Variants in WSCD2 observed in about 807,000 individuals in gnomAD.
The protein encoded by WSCD2 is sialate:O-sulfotransferase 2.
A neutral mutation model predicts 55.7 loss-of-function variants in WSCD2; 28 were observed. The ratio of observed to expected loss-of-function variants is 0.50; its 90% CI spans 0.37 to 0.69. The LOEUF is 0.69. Ranked by LOEUF, WSCD2 falls within the 30% of genes least tolerant of loss-of-function variation. WSCD2 has a pLI of 0.00. For missense variants in WSCD2, 616 were observed against 762.1 expected, an observed-to-expected ratio of 0.81 and a Z score of 2.26; for synonymous variants, 301 against 301.9, an observed-to-expected ratio of 1.00 and a Z score of 0.03.
chr12:108,172,660 G>A (rs1383476192), intron 1 of WSCD2, among the ~76,000 whole-genome samples: 2 of 152,136 alleles, frequency 1.3e-5, no homozygotes, highest in African/African-American at 2.4e-5. Flanking sequence ...GCAAAAGATC[G>A]CCAGCAACTG....
Position 108,210,228 on chromosome 12 carries a change from A to G in WSCD2, c.605A>G (p.Glu202Gly). ...EAECDMECKG[E>G]RGSVCGGANR... Reference sequence around the variant, plus strand: ...GAGTGCGACATGGAGTGCAAGGGCGAGCGAGGCAGCGTGTGCGGCGGCGCC... The same window carrying G: ...GAGTGCGACATGGAGTGCAAGGGCGGGCGAGGCAGCGTGTGCGGCGGCGCC... Residue 202 changes from glutamate (E) to glycine (G), a missense_variant, in exon 4 of 9, where the codon GAG becomes GGG. Transcript: ENST00000547525. This position sits in a 1 kb window ranked among gnomAD's most constrained non-coding sequence, Gnocchi z 4.3. The G allele has an allele frequency of 1.2e-6, 2 of 1,613,190 alleles. No individual in the cohort carries two copies. The highest frequency in any genetic ancestry group is 1.7e-6 in the Non-Finnish European group (2 of 1,179,618).
chr12:108,194,662 A>G (rs1427977530), intron 1 of WSCD2, among the ~76,000 whole-genome samples: 2 of 152,212 alleles, frequency 1.3e-5, no homozygotes, highest in African/African-American at 4.8e-5. Context: ...GCTGCTAAAT[A>G]ACCCTACTTT....
intron 1 of WSCD2, among the ~76,000 whole-genome samples, chr12:108,160,381 T>C (rs1011949714): frequency 6.6e-6 from 1 of 152,170 alleles, no homozygotes; most frequent in African/African-American, 2.4e-5. Context: ...ATAAGGAAAA[T>C]TGGCTCATAG....
In WSCD2 at chr12:108,195,518, C is replaced by T. The variant is rs1033666294; in HGVS notation, c.-315C>T. 6.0e-6 allele frequency: 2 copies of T among 335,894 alleles called. No individual in the cohort carries two copies. Among genetic ancestry groups the T allele is most frequent in the Non-Finnish European group, 1.1e-5 (2 of 185,142 alleles). The allele number at this position is 335,894 out of a possible 1,614,324, so 20.8% of individuals were successfully genotyped here. A position where few individuals can be genotyped will look rare whatever the true frequency, so the allele number is the denominator to read the frequency against. On this transcript the variant is annotated 5_prime_UTR_variant, in exon 2 of 9. Transcript: ENST00000547525. ...CTATTCTCACAGTTCTTTAGGAACA[C>T]TCTGAAGTGAAGAACAATATGTAGG...
intron 1 of WSCD2, among the ~76,000 whole-genome samples, chr12:108,137,868 C>T (rs1876380676): frequency 6.6e-6 from 1 of 152,222 alleles, no homozygotes; most frequent in African/African-American, 2.4e-5. Context: ...TAAGTGACAT[C>T]TAACTGTACC....
At chr12:108,154,723 G>A (rs1424151322) in intron 1 of WSCD2, among the ~76,000 whole-genome samples, 1 of 152,014 alleles carries the variant, frequency 6.6e-6, no homozygotes, top group Non-Finnish European at 1.5e-5. Flanking sequence ...TTCTTTTTCG[G>A]ATTAATAATG....
chr12:108,187,455 G>A (rs1001514998), intron 1 of WSCD2, among the ~76,000 whole-genome samples: 13 of 152,224 alleles, frequency 8.5e-5, no homozygotes, highest in African/African-American at 2.4e-4. Flanking sequence ...TTTAGCATAC[G>A]GTTAAGAGTG....
intron 1 of WSCD2, among the ~76,000 whole-genome samples, chr12:108,152,484 C>T (rs1054776980): frequency 6.6e-6 from 1 of 152,146 alleles, no homozygotes. Flanking sequence ...CGGGCAGGTG[C>T]TGATGCTGTG....
chr12:108,210,163 C>T lies in WSCD2; in HGVS notation c.540C>T (p.Tyr180=), dbSNP rs1885953622. ...GGCTGGAGTTCGGCGCCGAGTGCTA[C>T]TGCGGCCACAAGATCCAGGCGACGA... ...YGGLEFGAEC[Y]CGHKIQATNV... is the part of the protein sequence containing the mutation. The change falls in exon 4 of 9, where the codon TAC becomes TAT. Residue 180 remains tyrosine, a synonymous_variant. Transcript: ENST00000547525. The surrounding 1 kb of genome is among the most constrained non-coding windows in gnomAD (Gnocchi z 4.3). 6.2e-7 allele frequency: 1 copy of T among 1,614,152 alleles called. No individual in the cohort carries two copies. Among genetic ancestry groups the T allele is most frequent in the East Asian group, 2.2e-5 (1 of 44,882 alleles).
intron 1 of WSCD2, among the ~76,000 whole-genome samples, chr12:108,156,196 G>T (rs944503329): frequency 2.6e-5 from 4 of 152,190 alleles, no homozygotes; most frequent in Admixed American, 2.0e-4. Flanking sequence ...TTCACGAAGA[G>T]AAAGGGGAGG....
chr12:108,240,507 C>T lies in WSCD2; in HGVS notation c.1308C>T (p.His436=). 1 of 1,588,520 alleles carries T rather than the reference C, an allele frequency of 6.3e-7. No homozygotes were observed. The highest frequency in any genetic ancestry group is 8.6e-7 in the Non-Finnish European group (1 of 1,165,400). ...AGTTCAACCGCAAGTACGGCGGCCA[C>T]ATAGGCTTTGCTGCGCATGCCCACT... ...MAEFNRKYGG[H]IGFAAHAHWK... The change falls in exon 8 of 9, where the codon CAC becomes CAT. Residue 436 remains histidine, a synonymous_variant. Coordinates refer to ENST00000547525, the MANE Select transcript of WSCD2 (RefSeq NM_014653.4).
chr12:108,244,881 G>T (rs563314170), intron 8 of WSCD2, among the ~76,000 whole-genome samples: 1 of 151,888 alleles, frequency 6.6e-6, no homozygotes, highest in South Asian at 2.1e-4. Flanking sequence ...ATATATTTAG[G>T]ATGTACAAGT....
intron 4 of WSCD2, among the ~76,000 whole-genome samples, chr12:108,215,609 A>C (rs542864010): frequency 6.6e-6 from 1 of 152,188 alleles, no homozygotes; most frequent in Admixed American, 6.5e-5. Context: ...TGTGTAATTC[A>C]ATCTCTCTCT....
At chr12:108,192,608 T>C (rs1883324782) in intron 1 of WSCD2, among the ~76,000 whole-genome samples, 1 of 152,230 alleles carries the variant, frequency 6.6e-6, no homozygotes, top group African/African-American at 2.4e-5. Context: ...CTTCCCATGG[T>C]CTGGCTCCTG....
intron 3 of WSCD2, among the ~76,000 whole-genome samples, chr12:108,209,747 A>G (rs1353867280): frequency 6.6e-6 from 1 of 151,936 alleles, no homozygotes; most frequent in Non-Finnish European, 1.5e-5. Flanking sequence ...CCAGACCCAG[A>G]TCCCCCTGCC....
chr12:108,133,097 G>A (rs1875788693), intron 1 of WSCD2, among the ~76,000 whole-genome samples: 1 of 152,178 alleles, frequency 6.6e-6, no homozygotes, highest in South Asian at 2.1e-4. Context: ...GTGTATTGCA[G>A]TGTGAACTTT....
Position 108,248,630 on chromosome 12 carries a change from C to T in WSCD2, c.*287C>T. On this transcript the variant is annotated 3_prime_UTR_variant, in exon 9 of 9. Transcript: ENST00000547525. This position sits in a 1 kb window ranked among gnomAD's most constrained non-coding sequence, Gnocchi z 4.3. The stretch of plus-strand genomic sequence containing the variant: ...TTTTCTGTCTCCTGGGTCCCTGCCC[C>T]CACCACTCTGGGTTCCATTTGTGGG... The T allele has an allele frequency of 8.7e-7, 1 of 1,150,652 alleles. No individual in the cohort carries two copies. Among genetic ancestry groups the T allele is most frequent in the Non-Finnish European group, 1.1e-6 (1 of 930,418 alleles). 71.3% of individuals were successfully genotyped at this position (1,150,652 alleles called of 1,614,324 possible). A position where few individuals can be genotyped will look rare whatever the true frequency, so the allele number is the denominator to read the frequency against.
At chr12:108,143,010 C>T (rs112213567) in intron 1 of WSCD2, among the ~76,000 whole-genome samples, 3,056 of 152,230 alleles carry the variant, frequency 0.02, 124 homozygotes, top group African/African-American at 0.071. Flanking sequence ...GATGGAGTCT[C>T]GCTTTGTTAC....
At chr12:108,159,765 C>A (rs1878876228) in intron 1 of WSCD2, among the ~76,000 whole-genome samples, 1 of 152,200 alleles carries the variant, frequency 6.6e-6, no homozygotes, top group Non-Finnish European at 1.5e-5. Flanking sequence ...CCCCAGCAGC[C>A]CCTGCAGCAT....
Sources: allele counts gnomAD v4.1 joint callset (sites outside exome capture counted in the v4.1 genomes callset), GRCh38; gene constraint gnomAD v4.1.1; non-coding constraint Gnocchi (gnomAD v3.1); transcripts MANE v1.5; gene names NCBI Gene and HGNC (gene_info 2026-07-23, HGNC 2026-07-21).